Variants in GRIN2A observed in about 807,000 individuals in gnomAD.
The protein encoded by GRIN2A is glutamate ionotropic receptor NMDA type subunit 2A.
Under a neutral mutation model 113.4 loss-of-function variants are expected in GRIN2A, and 22 were observed. The ratio of observed to expected loss-of-function variants is 0.19; its 90% confidence interval spans 0.14 to 0.28. GRIN2A has a LOEUF of 0.28. Among genes scored for constraint, GRIN2A ranks in the 10% least tolerant of loss-of-function variants. The pLI, the probability that GRIN2A is intolerant of heterozygous loss-of-function variation, is 1.00. For missense variants in GRIN2A, 1,502 were observed against 1,887.0 expected (o/e 0.80, Z 3.78); for synonymous variants, 827 against 738.4 (o/e 1.12, Z -1.94).
At chr16:9,946,780 A>G (rs1425895538) in intron 2 of GRIN2A, among the ~76,000 whole-genome samples, 3 of 152,182 alleles carry the variant, frequency 2.0e-5, no homozygotes, top group African/African-American at 7.2e-5. Flanking sequence ...TGGATGTTCT[A>G]CCAGAATTTC....
chr16:10,027,944 A>C (rs1027463825), intron 2 of GRIN2A, among the ~76,000 whole-genome samples: 2 of 152,082 alleles, frequency 1.3e-5, no homozygotes, highest in African/African-American at 2.4e-5. Context: ...GCCTGGACTA[A>C]TCTCTCCAGG....
intron 2 of GRIN2A, among the ~76,000 whole-genome samples, chr16:9,949,470 G>C (rs75880905): frequency 0.018 from 2,793 of 151,618 alleles, 34 homozygotes; most frequent in Non-Finnish European, 0.023. Flanking sequence ...CAGATGAATG[G>C]ACAGATGAGT....
chr16:9,910,630 C>T (rs1276754628), intron 3 of GRIN2A, among the ~76,000 whole-genome samples: 1 of 151,300 alleles, frequency 6.6e-6, no homozygotes, highest in Non-Finnish European at 1.5e-5. Flanking sequence ...CTCTGCCTCC[C>T]AGGTTTAAGT....
At chr16:9,780,871 C>G (rs1901897576) in intron 11 of GRIN2A, among the ~76,000 whole-genome samples, 1 of 151,774 alleles carries the variant, frequency 6.6e-6, no homozygotes, top group East Asian at 1.9e-4. Flanking sequence ...TATTTCTTTA[C>G]AAAAAGAGAA....
Position 9,763,215 on chromosome 16 carries a change from C to A in GRIN2A, c.4329G>T (p.Arg1443Ser). Residue 1443 changes from arginine (R) to serine (S), a missense_variant, in exon 13 of 13, where the codon AGG (arginine) becomes AGT (serine). Physicochemically the swap from Arg to Ser is moderately radical, Grantham distance 110. Coordinates refer to ENST00000330684, the MANE Select transcript of GRIN2A (RefSeq NM_001134407.3). The part of the protein sequence containing the change: ...ANKNNMYSTP[R>S]VLNSCSNRRV... Reference sequence around the variant, plus strand: ...GTCTATTGCTGCAGGAATTTAAAACCCTGGGGGTAGAGTACATATTATTCT... The same window carrying A: ...GTCTATTGCTGCAGGAATTTAAAACACTGGGGGTAGAGTACATATTATTCT... 6.2e-7 allele frequency: 1 copy of A among 1,613,942 alleles called. No individual in the cohort carries two copies. Among genetic ancestry groups the A allele is most frequent in the South Asian group, 1.1e-5 (1 of 91,076 alleles).
intron 5 of GRIN2A, among the ~76,000 whole-genome samples, 161 bp from the exon 6 acceptor site, chr16:9,841,265 G>C (rs2042673310): frequency 6.6e-6 from 1 of 152,214 alleles, no homozygotes; most frequent in African/African-American, 2.4e-5. Context: ...AGCAAAAGCA[G>C]AAAGTGTCCT....
intron 3 of GRIN2A, among the ~76,000 whole-genome samples, chr16:9,896,211 G>A (rs556786589): frequency 3.9e-5 from 6 of 152,078 alleles, no homozygotes; most frequent in African/African-American, 2.4e-5. Context: ...CACCACTCCC[G>A]GCTAATTCTT....
chr16:9,994,920 TA>T (rs2046194075), intron 2 of GRIN2A, among the ~76,000 whole-genome samples: 1 of 152,096 alleles, frequency 6.6e-6, no homozygotes, highest in African/African-American at 2.4e-5. Flanking sequence ...TTTTAAGGGT[TA>T]ACAAGCAAAT....
At position 10,180,540 on chromosome 16, in the gene GRIN2A, G is replaced by T. The variant is rs764059591; in HGVS notation, c.-18-111C>A. The stretch of plus-strand genomic sequence containing the variant: ...AGCCAGGCATGGAACTCAGCAGCAG[G>T]ATAGGCTGCTGGGATCACGGACTCC... On this transcript the variant is annotated intron_variant, in intron 1 of 12. Coordinates refer to ENST00000330684, the MANE Select transcript of GRIN2A (RefSeq NM_001134407.3). This position sits in a 1 kb window ranked among gnomAD's most constrained non-coding sequence, Gnocchi z 7.0. 5 of 1,510,096 alleles carry T rather than the reference G, an allele frequency of 3.3e-6. No homozygotes were observed. Among genetic ancestry groups the T allele is most frequent in the Non-Finnish European group, 4.4e-6 (5 of 1,133,260 alleles). The allele number at this position is 1,510,096 out of a possible 1,614,324, so 93.5% of individuals were successfully genotyped here. A position where few individuals can be genotyped will look rare whatever the true frequency, so the allele number is the denominator to read the frequency against.
chr16:9,869,462 C>G (rs2043219010), intron 4 of GRIN2A, among the ~76,000 whole-genome samples: 1 of 152,062 alleles, frequency 6.6e-6, no homozygotes, highest in African/African-American at 2.4e-5. Flanking sequence ...AGTTAGCACA[C>G]AGAGGTACCA....
chr16:9,801,698 A>G (rs544739642), intron 10 of GRIN2A, among the ~76,000 whole-genome samples: 5 of 152,254 alleles, frequency 3.3e-5, no homozygotes, highest in Admixed American at 6.5e-5. Context: ...GAGGCAGGAC[A>G]GCTGCAAAAG....
At chr16:10,164,382 C>T (rs1231786482) in intron 2 of GRIN2A, among the ~76,000 whole-genome samples, 3 of 152,162 alleles carry the variant, frequency 2.0e-5, no homozygotes, top group South Asian at 4.2e-4. Context: ...GGACGGACCC[C>T]GCAAAACCTC....
chr16:9,869,380 C>G (rs1484083513), intron 4 of GRIN2A, among the ~76,000 whole-genome samples: 1 of 152,122 alleles, frequency 6.6e-6, no homozygotes, highest in Admixed American at 6.5e-5. Context: ...TTGCAATGAG[C>G]CTAAATCACA....
intron 2 of GRIN2A, among the ~76,000 whole-genome samples, chr16:10,100,088 G>A (rs1181503106): frequency 1.3e-5 from 2 of 152,194 alleles, no homozygotes; most frequent in African/African-American, 4.8e-5. Flanking sequence ...ACAGGTGAAG[G>A]GGGGACATGA....
chr16:9,956,260 T>A (rs1239051311), intron 2 of GRIN2A, among the ~76,000 whole-genome samples: 9 of 152,214 alleles, frequency 5.9e-5, no homozygotes, highest in Non-Finnish European at 1.3e-4. Flanking sequence ...TGTTTTAACT[T>A]AAAAAATTTT....
chr16:10,106,799 G>A (rs1449286523), intron 2 of GRIN2A, among the ~76,000 whole-genome samples: 1 of 152,218 alleles, frequency 6.6e-6, no homozygotes, highest in African/African-American at 2.4e-5. Flanking sequence ...AAAGGCAACA[G>A]GTAGAGCAGG....
chr16:9,940,281 A>G (rs191926792), intron 2 of GRIN2A, among the ~76,000 whole-genome samples: 226 of 152,320 alleles, frequency 1.5e-3, no homozygotes, highest in African/African-American at 5.0e-3. Flanking sequence ...TGAGTGAAGC[A>G]TGGCCTGAAG....
chr16:10,155,249 T>A (rs1038658390), intron 2 of GRIN2A, among the ~76,000 whole-genome samples: 7 of 152,186 alleles, frequency 4.6e-5, no homozygotes, highest in Admixed American at 3.3e-4. Context: ...GGAGTTTACA[T>A]TTTATCTGAA....
intron 11 of GRIN2A, among the ~76,000 whole-genome samples, chr16:9,770,859 C>T (rs563991770): frequency 2.0e-4 from 30 of 152,274 alleles, no homozygotes; most frequent in African/African-American, 7.0e-4. Context: ...TATACTACCT[C>T]TCCCCGCTCC....
Sources: gnomAD v4.1 joint callset for allele counts (sites outside exome capture counted in the v4.1 genomes callset) on GRCh38, gnomAD v4.1.1 for gene constraint, Gnocchi (gnomAD v3.1) non-coding constraint, MANE v1.5 for transcripts, NCBI Gene and HGNC (gene_info 2026-07-23, HGNC 2026-07-21) for gene names.